BDNF: variants seen among roughly 807,000 people sequenced by gnomAD.
The protein encoded by BDNF is neurotrophic factor BDNF precursor form.
Under a neutral mutation model 19.5 loss-of-function variants are expected in BDNF, and 1 was observed. That is an observed-to-expected ratio of 0.05 (90% CI 0.02 to 0.24). The LOEUF (loss-of-function observed/expected upper bound fraction) is 0.24. Among genes scored for constraint, BDNF ranks in the 10% least tolerant of loss-of-function variants. The pLI is 1.00. For missense variants in BDNF, 195 were observed against 317.6 expected (o/e 0.61, Z 2.93); for synonymous variants, 100 against 121.6 (o/e 0.82, Z 1.17).
In BDNF at chr11:27,660,786, A is replaced by AG. The variant is rs1491012028; in HGVS notation, c.-21-2202_-21-2201insC. 3.6e-4 allele frequency among the ~76,000 whole-genome samples: 54 copies of AG among 151,802 alleles called. 1 individual carries two copies. The highest frequency in any genetic ancestry group is 1.9e-3 in the East Asian group (10 of 5,170). ...AACTCCATCTCAAAAAAAAAAAAAA[A>AG]AGAATTAATGAACTATAGTTTAATA... is the stretch of plus-strand genomic sequence containing the variant. On this transcript the variant is annotated intron_variant, in intron 1 of 1. Coordinates refer to ENST00000356660, the MANE Select transcript of BDNF (RefSeq NM_001709.5).
chr11:27,699,450 A>G, intron 1 of BDNF: 5 of 1,613,960 alleles, frequency 3.1e-6, no homozygotes, highest in African/African-American at 1.3e-5. Context: ...GTACATCCCA[A>G]CCACTCCCCG....
chr11:27,695,167 G>A (rs571463934), intron 1 of BDNF, among the ~76,000 whole-genome samples: 1 of 152,122 alleles, frequency 6.6e-6, no homozygotes, highest in East Asian at 1.9e-4. Context: ...TAAGCCATTT[G>A]GCTAGTAAAG....
At chr11:27,699,359 C>A in intron 1 of BDNF, 1 of 1,614,002 alleles carries the variant, frequency 6.2e-7, no homozygotes, top group Admixed American at 1.7e-5. Flanking sequence ...TCAGCTATTT[C>A]TTTCCAGGAG....
chr11:27,703,617 ATCT>A (rs1859997943), upstream of BDNF, among the ~76,000 whole-genome samples: 1 of 152,224 alleles, frequency 6.6e-6, no homozygotes. Context: ...TCTATGGCCA[ATCT>A]TCTTATTCCT....
At chr11:27,709,646 TG>T (rs1860247678) in intron 1 of BDNF, among the ~76,000 whole-genome samples, 3 of 152,342 alleles carry the variant, frequency 2.0e-5, no homozygotes, top group African/African-American at 7.2e-5. Flanking sequence ...AATTTAAAAC[TG>T]TCAGTTTCTG....
chr11:27,682,104 C>T (rs965340019), intron 1 of BDNF, among the ~76,000 whole-genome samples: 7 of 152,086 alleles, frequency 4.6e-5, no homozygotes, highest in South Asian at 2.1e-4. Context: ...CTTCTAGCCA[C>T]GCTCTAATGC....
At chr11:27,720,680 C>G (rs999702694) in intron 1 of BDNF, 1 of 985,370 alleles carries the variant, frequency 1.0e-6, no homozygotes, top group African/African-American at 1.7e-5. Flanking sequence ...TCCGTTGGCT[C>G]TGTCCAAGGT....
chr11:27,696,548 C>T (rs968692531), intron 1 of BDNF: 1 of 152,200 alleles, frequency 6.6e-6, no homozygotes, highest in African/African-American at 2.4e-5. Flanking sequence ...ATTCTCTCCT[C>T]GATTCCTCTT....
In BDNF at chr11:27,674,607, C is replaced by A. The variant is rs972837738; in HGVS notation, c.-21-16022G>T. The A allele has an allele frequency of 9.1e-6, 9 of 985,136 alleles. No individual in the cohort carries two copies. In the African/African-American group the frequency reaches 1.6e-4, roughly 17 times the overall value. The allele number at this position is 985,136 out of a possible 1,614,324, so 61.0% of individuals were successfully genotyped here. A position where few individuals can be genotyped will look rare whatever the true frequency, so the allele number is the denominator to read the frequency against. On this transcript the variant is annotated intron_variant, in intron 1 of 1. Coordinates refer to ENST00000356660, the MANE Select transcript of BDNF (RefSeq NM_001709.5). ...CTTAGATGACAAAAGATCCATATGG[C>A]TGGCCAGAAAATATCTGCATCATTT...
intron 1 of BDNF, among the ~76,000 whole-genome samples, chr11:27,719,027 T>G (rs1860639944): frequency 6.6e-6 from 1 of 152,060 alleles, no homozygotes; most frequent in South Asian, 2.1e-4. Context: ...TATAGGAGTG[T>G]GGAGAGCCTG....
intron 1 of BDNF, among the ~76,000 whole-genome samples, chr11:27,682,082 G>C (rs1387592081): frequency 6.6e-6 from 1 of 152,082 alleles, no homozygotes; most frequent in Non-Finnish European, 1.5e-5. Context: ...TTATTTACAA[G>C]GCTGCAAATC....
intron 1 of BDNF, among the ~76,000 whole-genome samples, chr11:27,662,552 C>T (rs1396433820): frequency 6.6e-6 from 1 of 152,134 alleles, no homozygotes; most frequent in Non-Finnish European, 1.5e-5. Flanking sequence ...TTGTGGAAGA[C>T]AATTTTTCCA....
chr11:27,669,395 C>A (rs976128575), intron 1 of BDNF, among the ~76,000 whole-genome samples: 1 of 152,068 alleles, frequency 6.6e-6, no homozygotes, highest in Non-Finnish European at 1.5e-5. Flanking sequence ...TAGTATTGGA[C>A]GTTCTAGCCA....
chr11:27,700,061 G>T, intron 1 of BDNF, 103 bp downstream of exon 1: 1 of 957,004 alleles, frequency 1.0e-6, no homozygotes, highest in Non-Finnish European at 1.2e-6. Context: ...GAAAGAAGGA[G>T]ACTGGCCTCG....
At position 27,656,675 on chromosome 11, in the gene BDNF, G is replaced by A; in HGVS notation, c.*1146C>T. 1 of 985,504 alleles carries A rather than the reference G, an allele frequency of 1.0e-6. No individual in the cohort carries two copies. Among genetic ancestry groups the A allele is most frequent in the South Asian group, 4.7e-5 (1 of 21,264 alleles). The allele number at this position is 985,504 out of a possible 1,614,324, so 61.0% of individuals were successfully genotyped here. ...CTAGGTGTTTCTGGGTTGATACAGG[G>A]CTCTACCTTTTGCTTACAAGACATT... On this transcript the variant is annotated 3_prime_UTR_variant, in exon 2 of 2. Transcript: ENST00000356660.
intron 1 of BDNF, among the ~76,000 whole-genome samples, chr11:27,713,389 T>C (rs990437855): frequency 2.6e-5 from 4 of 152,200 alleles, no homozygotes; most frequent in Non-Finnish European, 5.9e-5. Context: ...GACTTCCCTT[T>C]TTATTTCTCA....
chr11:27,695,289 T>G (rs571073988), intron 1 of BDNF, among the ~76,000 whole-genome samples: 3 of 152,258 alleles, frequency 2.0e-5, no homozygotes. Context: ...TAAATTTTAA[T>G]TTTATACAAG....
rs1197886559 is a variant in BDNF at position 27,700,411 on chromosome 11, C to A, written c.-269G>T. 6.1e-6 allele frequency: 6 copies of A among 985,510 alleles called. No individual in the cohort carries two copies. The highest frequency in any genetic ancestry group is 7.2e-6 in the Non-Finnish European group (6 of 830,032). The allele number at this position is 985,510 out of a possible 1,614,324, so 61.0% of individuals were successfully genotyped here. Reference sequence around the variant, plus strand: ...GGGACAGCGAGCGGGCGGGTGCGCCCGGGCGCGGCGGCGGCAGCGTCGGGG... The same window carrying A: ...GGGACAGCGAGCGGGCGGGTGCGCCAGGGCGCGGCGGCGGCAGCGTCGGGG... On this transcript the variant is annotated 5_prime_UTR_variant, in exon 1 of 2. Coordinates refer to ENST00000356660, the MANE Select transcript of BDNF (RefSeq NM_001709.5).
intron 1 of BDNF, chr11:27,674,110 G>A (rs776885796): frequency 3.1e-6 from 5 of 1,611,974 alleles, no homozygotes; most frequent in Non-Finnish European, 4.2e-6. Flanking sequence ...ACTGAAACGT[G>A]GAGGTACACA....
Sources: allele counts gnomAD v4.1 joint callset (sites outside exome capture counted in the v4.1 genomes callset), GRCh38; gene constraint gnomAD v4.1.1; transcripts MANE v1.5; gene names NCBI Gene and HGNC (gene_info 2026-07-23, HGNC 2026-07-21).